CCDC171: variants seen among roughly 807,000 people sequenced by gnomAD.
CCDC171 encodes coiled-coil domain containing 171, also known as coiled-coil domain-containing protein 171.
CCDC171 carries 177 observed loss-of-function variants against 168.2 expected under a neutral mutation model. The observed-to-expected ratio is 1.05, with a 90% confidence interval of 0.93 to 1.19. CCDC171 has a LOEUF of 1.19. Among genes scored for constraint, CCDC171 ranks in the 50% most tolerant of loss-of-function variants. The probability of loss-of-function intolerance (pLI) is 0.00; values close to 1 mark genes in which losing one functional copy is unlikely to be tolerated. For synonymous variants in CCDC171, 687 were observed against 540.8 expected (o/e 1.27, Z -3.75); for missense variants, 1,991 against 1,539.0 (o/e 1.29, Z -4.91).
intron 16 of CCDC171, among the ~76,000 whole-genome samples, chr9:15,740,172 AT>A (rs982104177): frequency 6.6e-6 from 1 of 151,630 alleles, no homozygotes. Flanking sequence ...CTGTGGTTTC[AT>A]TTTTTTTACA....
chr9:16,107,870 T>C, the CCDC171 span, among the ~76,000 whole-genome samples: 1 of 152,326 alleles, frequency 6.6e-6, no homozygotes, highest in East Asian at 1.9e-4. Context: ...GTAGGAGCTA[T>C]TATGAAAGAA....
intron 7 of CCDC171, among the ~76,000 whole-genome samples, chr9:15,640,091 A>G (rs199848885): frequency 1.6e-4 from 25 of 152,298 alleles, no homozygotes; most frequent in East Asian, 1.5e-3. Context: ...ATAAGTATCA[A>G]TGAGATCATC....
chr9:16,002,594 TTTA>T (rs1313404723), intron 3 of CCDC171, among the ~76,000 whole-genome samples: 1 of 152,182 alleles, frequency 6.6e-6, no homozygotes, highest in African/African-American at 2.4e-5. Context: ...CTAAGGTTAA[TTTA>T]TTATTGAAGA....
upstream of CCDC171, among the ~76,000 whole-genome samples, chr9:16,040,496 C>A (rs1184243456): frequency 6.6e-6 from 1 of 152,130 alleles, no homozygotes; most frequent in Non-Finnish European, 1.5e-5. Context: ...AAGCTTTGGT[C>A]ATGCTGCCCC....
the CCDC171 span, among the ~76,000 whole-genome samples, chr9:16,102,087 T>C: frequency 6.6e-6 from 1 of 152,216 alleles, no homozygotes; most frequent in Admixed American, 6.5e-5. Context: ...TCCTGTGGTC[T>C]CCAGCGTACA....
At chr9:16,069,405 GTGTGCATGTGCA>G in the CCDC171 span, among the ~76,000 whole-genome samples, 5 of 152,224 alleles carry the variant, frequency 3.3e-5, no homozygotes. Flanking sequence ...GAGTCCAGCG[GTGTGCATGTGCA>G]TGTGCGTGTG....
At chr9:15,678,936 T>G (rs1355904464) in intron 10 of CCDC171, 40 bp downstream of exon 10, 1 of 1,444,978 alleles carries the variant, frequency 6.9e-7, no homozygotes, top group East Asian at 2.3e-5. Flanking sequence ...ATCACTTTAT[T>G]AGGTCATATT....
intron 24 of CCDC171, among the ~76,000 whole-genome samples, chr9:15,898,950 A>C (rs1188229401): frequency 6.6e-6 from 1 of 152,196 alleles, no homozygotes; most frequent in African/African-American, 2.4e-5. Flanking sequence ...TCAAGTAACC[A>C]GTTTATGGAC....
At chr9:16,095,899 T>TATATATATATATATATATACAC in the CCDC171 span, among the ~76,000 whole-genome samples, 36 of 140,198 alleles carry the variant, frequency 2.6e-4, 1 homozygote, top group African/African-American at 9.5e-4. Flanking sequence ...TATATATATA[T>TATATATATATATATATATACAC]ACTGCCTCCA....
intron 9 of CCDC171, among the ~76,000 whole-genome samples, chr9:15,677,627 A>C (rs565135544): frequency 1.2e-4 from 18 of 151,754 alleles, no homozygotes; most frequent in African/African-American, 4.3e-4. Flanking sequence ...ATCTATAGAA[A>C]ATTTTAAATG....
rs186353490 is a variant in CCDC171, at chr9:15,967,990, G to T, written c.3754-3619G>T. On this transcript the variant is annotated intron_variant, in intron 25 of 25. Coordinates refer to ENST00000380701, the MANE Select transcript of CCDC171 (RefSeq NM_173550.4). ...ATTTATTTTTGTTTGAAAAACATTT[G>T]TAGAAAATTAAGATATTAAAGCCTT... Among the ~76,000 whole-genome samples, 267 of 152,232 alleles carry T rather than the reference G, an allele frequency of 1.8e-3. 2 individuals are homozygous for T. Among genetic ancestry groups the T allele is most frequent in the African/African-American group, 5.6e-3 (233 of 41,532 alleles).
chr9:15,576,866 G>A (rs1477143327), intron 3 of CCDC171, among the ~76,000 whole-genome samples: 1 of 152,202 alleles, frequency 6.6e-6, no homozygotes, highest in Non-Finnish European at 1.5e-5. Flanking sequence ...GTGGTGAACA[G>A]AGCGGTGTAG....
At chr9:15,790,531 T>G (rs1467793191) in intron 21 of CCDC171, among the ~76,000 whole-genome samples, 1 of 152,250 alleles carries the variant, frequency 6.6e-6, no homozygotes, top group African/African-American at 2.4e-5. Flanking sequence ...AAAATTTTTC[T>G]CCCATCCTGT....
At chr9:15,723,660 A>G in intron 12 of CCDC171, 21 bp from the exon 13 acceptor site, 1 of 1,576,366 alleles carries the variant, frequency 6.3e-7, no homozygotes, top group South Asian at 1.2e-5. Context: ...TCATCAGCTA[A>G]ACAGCATGAA....
At chr9:16,092,792 C>T in the CCDC171 span, among the ~76,000 whole-genome samples, 3 of 152,184 alleles carry the variant, frequency 2.0e-5, no homozygotes, top group Non-Finnish European at 4.4e-5. Context: ...CATGTGGGAT[C>T]TGGTCTCCAT....
rs535937438 is a variant in CCDC171 at position 15,755,900 on chromosome 9, A to G, written c.2671+10269A>G. On this transcript the variant is annotated intron_variant, in intron 18 of 25. Coordinates refer to ENST00000380701, the MANE Select transcript of CCDC171 (RefSeq NM_173550.4). Reference sequence around the variant, plus strand: ...GTGGTTATAGTTGCACAACTCTGTGAGTATACTACAAAACATTGATTTGTA... The same window carrying G: ...GTGGTTATAGTTGCACAACTCTGTGGGTATACTACAAAACATTGATTTGTA... Among the ~76,000 whole-genome samples, 6 of 152,328 alleles carry G rather than the reference A, an allele frequency of 3.9e-5. No homozygotes were observed. In the South Asian group the frequency reaches 8.3e-4, roughly 21 times the overall value.
chr9:15,947,424 G>A (rs947082366), intron 25 of CCDC171, among the ~76,000 whole-genome samples: 8 of 151,870 alleles, frequency 5.3e-5, no homozygotes, highest in Admixed American at 5.3e-4. Flanking sequence ...ACGACTCTAA[G>A]TATTTCATAT....
chr9:15,737,976 A>G, intron 16 of CCDC171, among the ~76,000 whole-genome samples: 1 of 152,226 alleles, frequency 6.6e-6, no homozygotes, highest in Admixed American at 6.5e-5. Context: ...TTTACATAAT[A>G]GAGAAAGCAG....
intron 24 of CCDC171, chr9:15,887,713 T>C (rs1819622423): frequency 6.6e-6 from 1 of 152,090 alleles, no homozygotes; most frequent in Admixed American, 6.6e-5. Context: ...AAATGAAAAA[T>C]TAAATAAATT....
Sources: allele counts gnomAD v4.1 joint callset (sites outside exome capture counted in the v4.1 genomes callset), GRCh38; gene constraint gnomAD v4.1.1; transcripts MANE v1.5; gene names NCBI Gene and HGNC (gene_info 2026-07-23, HGNC 2026-07-21).